The following CACNA1E variants were observed in gnomAD, a reference collection of about 807,000 sequenced individuals.
CACNA1E encodes the protein calcium voltage-gated channel subunit alpha1 E.
Under a neutral mutation model 259.2 loss-of-function variants are expected in CACNA1E, and 40 were observed. The ratio of observed to expected loss-of-function variants is 0.15; its 90% CI spans 0.12 to 0.20. The LOEUF is 0.20. CACNA1E is among the 10% of genes least tolerant of loss of function. The pLI, the probability that CACNA1E is intolerant of heterozygous loss-of-function variation, is 1.00. For missense variants in CACNA1E, 1,874 were observed against 3,040.1 expected (o/e 0.62, Z 9.02); for synonymous variants, 1,104 against 1,138.5 (o/e 0.97, Z 0.61).
At chr1:181,381,559 G>T (rs1655461920) in intron 1 of CACNA1E, among the ~76,000 whole-genome samples, 1 of 152,068 alleles carries the variant, frequency 6.6e-6, no homozygotes, top group African/African-American at 2.4e-5. Context: ...GAAGTTTTTT[G>T]GGAAAATGGC....
chr1:181,606,319 A>G (rs577329998), intron 6 of CACNA1E, among the ~76,000 whole-genome samples: 1 of 152,166 alleles, frequency 6.6e-6, no homozygotes, highest in South Asian at 2.1e-4. Flanking sequence ...AAACAGCTCT[A>G]CCACCTACGG....
At chr1:181,672,366 C>T (rs1413745893) in intron 7 of CACNA1E, among the ~76,000 whole-genome samples, 1 of 152,124 alleles carries the variant, frequency 6.6e-6, no homozygotes, top group Admixed American at 6.6e-5. Context: ...GTACCCCAAA[C>T]CTAAAATAAA....
At chr1:181,753,990 C>T (rs949133517) in intron 27 of CACNA1E, among the ~76,000 whole-genome samples, 3 of 152,218 alleles carry the variant, frequency 2.0e-5, no homozygotes, top group African/African-American at 7.2e-5. Flanking sequence ...CCGCCTTCCC[C>T]CCTGGAGGAA....
chr1:181,525,188 C>G (rs1424926044), intron 3 of CACNA1E, among the ~76,000 whole-genome samples: 1 of 152,208 alleles, frequency 6.6e-6, no homozygotes, highest in Non-Finnish European at 1.5e-5. Flanking sequence ...GTGCAATCAG[C>G]TTTCTATCTG....
chr1:181,463,049 A>T (rs1352318760), intron 2 of CACNA1E, among the ~76,000 whole-genome samples: 1 of 152,154 alleles, frequency 6.6e-6, no homozygotes, highest in Non-Finnish European at 1.5e-5. Flanking sequence ...ACACATTTCC[A>T]ACTTTTATTA....
At chr1:181,622,460 A>G (rs1410509433) in intron 6 of CACNA1E, among the ~76,000 whole-genome samples, 1 of 152,172 alleles carries the variant, frequency 6.6e-6, no homozygotes, top group Non-Finnish European at 1.5e-5. Context: ...CCTAGAGCCA[A>G]GGTGTTGGCA....
intron 7 of CACNA1E, among the ~76,000 whole-genome samples, chr1:181,704,072 T>C (rs951405808): frequency 1.3e-5 from 2 of 152,224 alleles, no homozygotes; most frequent in Non-Finnish European, 2.9e-5. Flanking sequence ...TCCTGCTTAT[T>C]AGAGTCAATA....
chr1:181,564,188 T>A (rs960259818), intron 3 of CACNA1E, among the ~76,000 whole-genome samples: 1 of 152,190 alleles, frequency 6.6e-6, no homozygotes, highest in Non-Finnish European at 1.5e-5. Flanking sequence ...ATGAAATATT[T>A]TTCTGTTGCT....
intron 3 of CACNA1E, among the ~76,000 whole-genome samples, chr1:181,561,778 G>A (rs906228800): frequency 6.6e-6 from 1 of 152,194 alleles, no homozygotes; most frequent in African/African-American, 2.4e-5. Context: ...GTAAGTATAT[G>A]TATAACTCTG....
rs536670801 is a variant in CACNA1E, at chr1:181,348,961, C to T, written c.-15+30838C>T. Among the ~76,000 whole-genome samples, 16 of 152,276 alleles carry T rather than the reference C, an allele frequency of 1.1e-4. No homozygotes were observed. The East Asian group carries it at 1.9e-3, about 18-fold the overall frequency. Reference sequence around the variant, plus strand: ...GGCAGGACTGGAACCCAGGACCCAGCGTGAAACTCCCTATCCAGTGCTTGT... The same window carrying T: ...GGCAGGACTGGAACCCAGGACCCAGTGTGAAACTCCCTATCCAGTGCTTGT... On this transcript the variant is annotated intron_variant, in intron 1 of 11. Coordinates refer to the CACNA1E transcript ENST00000524607.
intron 6 of CACNA1E, among the ~76,000 whole-genome samples, chr1:181,598,597 A>G (rs1388680789): frequency 1.3e-5 from 2 of 152,200 alleles, no homozygotes; most frequent in Admixed American, 6.5e-5. Flanking sequence ...CTGAGTGTCC[A>G]TTAATGACTA....
At chr1:181,413,362 C>G (rs577027019) in exon 2 of CACNA1E, 1 of 152,562 alleles carries the variant, frequency 6.6e-6, no homozygotes, top group Non-Finnish European at 1.5e-5. Context: ...CCCCGCGCGC[C>G]GCCTCTGGCT....
At chr1:181,746,581 T>G (rs1446321548) in intron 25 of CACNA1E, among the ~76,000 whole-genome samples, 2 of 152,168 alleles carry the variant, frequency 1.3e-5, no homozygotes, top group Non-Finnish European at 2.9e-5. Flanking sequence ...TACAGATCCT[T>G]CTGTCTCTAC....
intron 7 of CACNA1E, 118 bp downstream of exon 7, chr1:181,651,559 C>A: frequency 1.4e-6 from 1 of 692,080 alleles, no homozygotes; most frequent in Non-Finnish European, 2.5e-6. Context: ...ACTTACCTAG[C>A]AGTTCCTCTG....
intron 1 of CACNA1E, among the ~76,000 whole-genome samples, chr1:181,374,976 G>A (rs1057216179): frequency 5.3e-5 from 8 of 152,082 alleles, no homozygotes; most frequent in African/African-American, 1.9e-4. Flanking sequence ...AGATACAAAA[G>A]GATTAGGATT....
chr1:181,634,637 G>A (rs901254888), intron 6 of CACNA1E, among the ~76,000 whole-genome samples: 11 of 152,088 alleles, frequency 7.2e-5, no homozygotes, highest in African/African-American at 2.7e-4. Context: ...CCCCATCTTG[G>A]CTTTATTCGG....
intron 3 of CACNA1E, among the ~76,000 whole-genome samples, chr1:181,558,427 G>T (rs1648964417): frequency 6.6e-6 from 1 of 152,216 alleles, no homozygotes; most frequent in Non-Finnish European, 1.5e-5. Context: ...ACTCAGTCTA[G>T]TAGGGAAAAA....
intron 2 of CACNA1E, among the ~76,000 whole-genome samples, chr1:181,424,723 G>A (rs540505790): frequency 1.3e-5 from 2 of 152,358 alleles, no homozygotes; most frequent in South Asian, 4.1e-4. Flanking sequence ...CTGGGAGCAA[G>A]GGCTGGGGGA....
At chr1:181,649,310 G>A (rs1361521864) in intron 6 of CACNA1E, among the ~76,000 whole-genome samples, 1 of 151,636 alleles carries the variant, frequency 6.6e-6, no homozygotes, top group Non-Finnish European at 1.5e-5. Flanking sequence ...TTCAGAAAGT[G>A]TTTTCTTGTT....
Sources: gnomAD v4.1 joint callset for allele counts (sites outside exome capture counted in the v4.1 genomes callset) on GRCh38, gnomAD v4.1.1 for gene constraint, MANE v1.5 for transcripts, NCBI Gene and HGNC (gene_info 2026-07-23, HGNC 2026-07-21) for gene names.